TUBGCP3: variants seen among roughly 807,000 people sequenced by gnomAD.
TUBGCP3 encodes tubulin gamma complex component 3.
TUBGCP3 carries 50 observed loss-of-function variants against 123.1 expected under a neutral mutation model. That is an observed-to-expected ratio of 0.41 (90% CI 0.32 to 0.51). The LOEUF is 0.51. TUBGCP3 is among the 20% of genes least tolerant of loss of function. The probability of loss-of-function intolerance (pLI) is 0.36; values close to 1 mark genes in which losing one functional copy is unlikely to be tolerated. For synonymous variants in TUBGCP3, 405 were observed against 413.9 expected, an observed-to-expected ratio of 0.98 and a Z score of 0.26; for missense variants, 882 against 1,127.0, an observed-to-expected ratio of 0.78 and a Z score of 3.11.
chr13:112,543,104 C>T (rs959959964), intron 11 of TUBGCP3, among the ~76,000 whole-genome samples: 7 of 152,072 alleles, frequency 4.6e-5, no homozygotes, highest in African/African-American at 9.7e-5. Context: ...GAGCTGAGAT[C>T]GCGCCACTGC....
intron 11 of TUBGCP3, among the ~76,000 whole-genome samples, chr13:112,536,577 A>T (rs901325138): frequency 1.3e-4 from 20 of 152,086 alleles, no homozygotes; most frequent in African/African-American, 4.8e-4. Flanking sequence ...TATTTTCTTA[A>T]TTTCATATTT....
At chr13:112,492,669 C>T (rs1324675640) in intron 20 of TUBGCP3, among the ~76,000 whole-genome samples, 1 of 151,628 alleles carries the variant, frequency 6.6e-6, no homozygotes, top group Non-Finnish European at 1.5e-5. Flanking sequence ...GATGCTCTGG[C>T]TATGGGAACG....
At chr13:112,487,041 C>G (rs1879716153) in intron 21 of TUBGCP3, among the ~76,000 whole-genome samples, 1 of 146,232 alleles carries the variant, frequency 6.8e-6, no homozygotes, top group African/African-American at 2.6e-5. Flanking sequence ...TCTGAGCAGG[C>G]AAACACTGTG....
intron 1 of TUBGCP3, among the ~76,000 whole-genome samples, chr13:112,579,517 G>A (rs1195489039): frequency 2.7e-5 from 4 of 148,440 alleles, no homozygotes; most frequent in Non-Finnish European, 4.4e-5. Flanking sequence ...GTGTCAGGGG[G>A]CCACGGCATC....
chr13:112,604,499 T>C, the TUBGCP3 span: 3 of 152,336 alleles, frequency 2.0e-5, no homozygotes, highest in Non-Finnish European at 4.4e-5. Context: ...GGTCTTGACA[T>C]GTTGCCTAGA....
intron 11 of TUBGCP3, among the ~76,000 whole-genome samples, chr13:112,534,463 C>T (rs1347700612): frequency 6.6e-6 from 1 of 152,100 alleles, no homozygotes; most frequent in African/African-American, 2.4e-5. Context: ...AGGAGAATGG[C>T]GTGAACCCGG....
At chr13:112,535,271 C>T (rs535472223) in intron 11 of TUBGCP3, among the ~76,000 whole-genome samples, 7 of 152,278 alleles carry the variant, frequency 4.6e-5, no homozygotes, top group African/African-American at 9.6e-5. Flanking sequence ...AGTTTTTAGA[C>T]GAATGCGTGT....
chr13:112,504,485 CAAAAAA>C, intron 18 of TUBGCP3, 135 bp downstream of exon 18: 1 of 359,052 alleles, frequency 2.8e-6, no homozygotes, highest in Admixed American at 5.2e-5. Flanking sequence ...GACTCCATCT[CAAAAAA>C]AAAAAAAAAG....
intron 1 of TUBGCP3, among the ~76,000 whole-genome samples, chr13:112,586,824 A>G (rs1243252018): frequency 6.6e-6 from 1 of 152,174 alleles, no homozygotes; most frequent in Non-Finnish European, 1.5e-5. Flanking sequence ...GGTTGTCCTC[A>G]AAGATTTCTT....
intron 17 of TUBGCP3, among the ~76,000 whole-genome samples, chr13:112,513,440 C>A (rs1881807018): frequency 6.6e-6 from 1 of 152,204 alleles, no homozygotes; most frequent in African/African-American, 2.4e-5. Context: ...AGCACTTTCA[C>A]ATGTAACTAC....
Position 112,547,603 on chromosome 13 carries a change from A to G in TUBGCP3, c.1168+17T>C. On this transcript the variant is annotated intron_variant, in intron 10 of 21. Transcript: ENST00000261965. Reference sequence around the variant, plus strand: ...CGCGCGTGGGAAAGACGTGCGTGGGAAAGACGCGCGTGGGACCTTGGCAGT... The same window carrying G: ...CGCGCGTGGGAAAGACGTGCGTGGGGAAGACGCGCGTGGGACCTTGGCAGT... The G allele has an allele frequency of 6.7e-7, 1 of 1,482,478 alleles. No individual in the cohort carries two copies. 91.8% of individuals were successfully genotyped at this position (1,482,478 alleles called of 1,614,324 possible).
chr13:112,547,706 C>A lies in TUBGCP3; in HGVS notation c.1082G>T (p.Ser361Ile), dbSNP rs1044289. The A allele has an allele frequency of 6.4e-7, 1 of 1,562,104 alleles. No homozygotes were observed. Among genetic ancestry groups the A allele is most frequent in the South Asian group, 1.2e-5 (1 of 84,120 alleles). The change falls in exon 10 of 22, where the codon AGT becomes ATT. Residue 361 changes from serine to isoleucine, a missense_variant. This residue lies in a region of TUBGCP3 where 713 missense variants were observed against 874.0 expected (regional missense o/e 0.82). Coordinates refer to ENST00000261965, the MANE Select transcript of TUBGCP3 (RefSeq NM_006322.6). Reference sequence around the variant, plus strand: ...AACCAGGAGGCGCCGAAGTGTTAAACTACTCTCAAGTCCCAAATTCACACC... The same window carrying A: ...AACCAGGAGGCGCCGAAGTGTTAAAATACTCTCAAGTCCCAAATTCACACC... ...DQGVNLGLES[S>I]LTLRRLLVWT...
At chr13:112,551,160 A>G (rs1425430854) in intron 8 of TUBGCP3, among the ~76,000 whole-genome samples, 1 of 152,216 alleles carries the variant, frequency 6.6e-6, no homozygotes, top group Non-Finnish European at 1.5e-5. Context: ...AACGTGTAGA[A>G]TCTAAGTATT....
chr13:112,596,541 C>T, the TUBGCP3 span, among the ~76,000 whole-genome samples: 1 of 151,946 alleles, frequency 6.6e-6, no homozygotes, highest in African/African-American at 2.4e-5. Context: ...TCTTTGTCTT[C>T]AGTTTTTCGG....
chr13:112,594,641 T>C, the TUBGCP3 span, among the ~76,000 whole-genome samples: 1,278 of 152,342 alleles, frequency 8.4e-3, 16 homozygotes, highest in African/African-American at 0.029. Flanking sequence ...TTCTAGATTC[T>C]TGAGGTGAAC....
intron 3 of TUBGCP3, among the ~76,000 whole-genome samples, chr13:112,563,463 G>A (rs1251399862): frequency 1.3e-5 from 2 of 152,080 alleles, no homozygotes; most frequent in Non-Finnish European, 2.9e-5. Context: ...AGTCAGTTTT[G>A]GGGACGAGCC....
chr13:112,541,900 T>A lies in TUBGCP3; in HGVS notation c.1335+3799A>T, dbSNP rs187820053. On this transcript the variant is annotated intron_variant, in intron 11 of 21. Coordinates refer to ENST00000261965, the MANE Select transcript of TUBGCP3 (RefSeq NM_006322.6). ...AATTATTGAACGAAGAGGATACAGA[T>A]TCTTTAATTAAATAAAAAGGTAAAC... is the stretch of plus-strand genomic sequence containing the variant. Among the ~76,000 whole-genome samples, 173 of 152,302 alleles carry A rather than the reference T, an allele frequency of 1.1e-3. 1 individual carries two copies. Among genetic ancestry groups the A allele is most frequent in the African/African-American group, 3.9e-3 (162 of 41,574 alleles).
chr13:112,589,287 T>A (rs1158065850), upstream of TUBGCP3, among the ~76,000 whole-genome samples: 1 of 152,238 alleles, frequency 6.6e-6, no homozygotes, highest in Non-Finnish European at 1.5e-5. Context: ...CACCTTCAGC[T>A]GAAACGCTGC....
At chr13:112,540,720 G>A (rs60160580) in intron 11 of TUBGCP3, among the ~76,000 whole-genome samples, 76 of 122,604 alleles carry the variant, frequency 6.2e-4, no homozygotes, top group African/African-American at 1.2e-3. Context: ...GTAGTAGCCT[G>A]TGAGCATTCA....
Sources: gnomAD v4.1 joint callset for allele counts (sites outside exome capture counted in the v4.1 genomes callset) on GRCh38, gnomAD v4.1.1 for gene constraint, gnomAD v4.1.1 regional missense constraint, MANE v1.5 for transcripts, NCBI Gene and HGNC (gene_info 2026-07-23, HGNC 2026-07-21) for gene names.